The following STX8 variants were observed in gnomAD, a reference collection of about 807,000 sequenced individuals.
The protein encoded by STX8 is syntaxin 8.
STX8 carries 23 observed loss-of-function variants against 37.5 expected under a neutral mutation model. That is an observed-to-expected ratio of 0.61 (90% CI 0.44 to 0.87). The LOEUF is 0.87. Among genes scored for constraint, STX8 ranks in the 40% least tolerant of loss-of-function variants. The pLI is 0.00. For synonymous variants in STX8, 115 were observed against 99.1 expected (o/e 1.16, Z -0.95); for missense variants, 313 against 284.7 (o/e 1.10, Z -0.71).
intron 6 of STX8, among the ~76,000 whole-genome samples, chr17:9,434,574 G>A (rs966677038): frequency 6.6e-6 from 1 of 152,168 alleles, no homozygotes; most frequent in African/African-American, 2.4e-5. Flanking sequence ...TTTCAGAGGT[G>A]AAATCAACTG....
intron 6 of STX8, among the ~76,000 whole-genome samples, chr17:9,490,750 T>C (rs1906819498): frequency 1.3e-5 from 2 of 152,166 alleles, no homozygotes; most frequent in African/African-American, 4.8e-5. Context: ...CTTTTTCTCT[T>C]CCTACTTTGT....
chr17:9,436,027 T>C (rs1323510355), intron 6 of STX8, among the ~76,000 whole-genome samples: 1 of 152,106 alleles, frequency 6.6e-6, no homozygotes, highest in Non-Finnish European at 1.5e-5. Flanking sequence ...AAAAGGGATA[T>C]AATCCATCTA....
chr17:9,423,355 T>C (rs909041960), intron 6 of STX8, among the ~76,000 whole-genome samples: 2 of 152,188 alleles, frequency 1.3e-5, no homozygotes, highest in Non-Finnish European at 2.9e-5. Context: ...ACGGAGTCTC[T>C]CTCTCTGTCA....
chr17:9,522,668 CGCCACTGCACTCCA>C (rs1905400133), intron 4 of STX8, among the ~76,000 whole-genome samples: 1 of 150,976 alleles, frequency 6.6e-6, no homozygotes, highest in Admixed American at 6.6e-5. Context: ...GCCGAGATCG[CGCCACTGCACTCCA>C]GCCTGGGCGA....
At chr17:9,294,000 A>G (rs1338399592) in intron 7 of STX8, among the ~76,000 whole-genome samples, 1 of 151,856 alleles carries the variant, frequency 6.6e-6, no homozygotes, top group Non-Finnish European at 1.5e-5. Flanking sequence ...TTCCTGACCT[A>G]GTGATCTGCC....
chr17:9,370,758 A>G (rs1567801035), intron 7 of STX8, among the ~76,000 whole-genome samples: 1 of 152,200 alleles, frequency 6.6e-6, no homozygotes, highest in African/African-American at 2.4e-5. Context: ...AGACTCAGAC[A>G]AGGCTCTATT....
At chr17:9,275,359 G>A (rs147951659) in intron 7 of STX8, among the ~76,000 whole-genome samples, 231 of 152,260 alleles carry the variant, frequency 1.5e-3, no homozygotes, top group African/African-American at 5.5e-3. Context: ...TGGCTTCACT[G>A]ACGCAGGGAG....
At chr17:9,438,449 C>G (rs12948963) in intron 6 of STX8, among the ~76,000 whole-genome samples, 1 of 151,794 alleles carries the variant, frequency 6.6e-6, no homozygotes, top group African/African-American at 2.4e-5. Context: ...CAGTATCTGT[C>G]TTTTAACAAG....
At chr17:9,254,652 T>TC (rs1272973524) in intron 7 of STX8, among the ~76,000 whole-genome samples, 1 of 152,118 alleles carries the variant, frequency 6.6e-6, no homozygotes, top group African/African-American at 2.4e-5. Context: ...CTCCTGGGCC[T>TC]CCCAAAGTGC....
At chr17:9,546,533 C>T (rs1240204670) in intron 3 of STX8, among the ~76,000 whole-genome samples, 1 of 147,150 alleles carries the variant, frequency 6.8e-6, no homozygotes, top group South Asian at 2.2e-4. Context: ...GCGCCACTTC[C>T]CTTGGACTAA....
At chr17:9,397,017 C>T (rs905376058) in intron 6 of STX8, among the ~76,000 whole-genome samples, 3 of 152,142 alleles carry the variant, frequency 2.0e-5, no homozygotes, top group Non-Finnish European at 4.4e-5. Context: ...GCACATAAGC[C>T]CTGAATTCTA....
intron 6 of STX8, among the ~76,000 whole-genome samples, chr17:9,483,518 G>A (rs1407037798): frequency 6.6e-6 from 1 of 152,122 alleles, no homozygotes. Flanking sequence ...GGATATCTTT[G>A]GGGGTCATTA....
At chr17:9,452,038 T>C (rs1905058351) in intron 6 of STX8, among the ~76,000 whole-genome samples, 1 of 152,210 alleles carries the variant, frequency 6.6e-6, no homozygotes, top group South Asian at 2.1e-4. Context: ...TGGAGTCAAA[T>C]AATAATGTGT....
At chr17:9,564,179 AC>A (rs1907364133) in intron 2 of STX8, among the ~76,000 whole-genome samples, 1 of 152,184 alleles carries the variant, frequency 6.6e-6, no homozygotes, top group Non-Finnish European at 1.5e-5. Context: ...GAAAACTGGC[AC>A]AAGACAAGGA....
intron 7 of STX8, among the ~76,000 whole-genome samples, chr17:9,279,388 T>C (rs1907799809): frequency 6.6e-6 from 1 of 152,158 alleles, no homozygotes; most frequent in Non-Finnish European, 1.5e-5. Context: ...CAGCTGGCCA[T>C]CATCATTATT....
chr17:9,361,165 T>C (rs574225488), intron 7 of STX8, among the ~76,000 whole-genome samples: 1 of 152,264 alleles, frequency 6.6e-6, no homozygotes, highest in Admixed American at 6.5e-5. Flanking sequence ...ATTGGTAAGG[T>C]TCTGTTGGAG....
At chr17:9,318,518 G>C (rs922102224) in intron 7 of STX8, among the ~76,000 whole-genome samples, 1 of 152,104 alleles carries the variant, frequency 6.6e-6, no homozygotes, top group African/African-American at 2.4e-5. Flanking sequence ...ACCATGTTTT[G>C]ACATTTCAGA....
chr17:9,442,454 G>A (rs1205433361), intron 6 of STX8, among the ~76,000 whole-genome samples: 5 of 152,192 alleles, frequency 3.3e-5, no homozygotes, highest in African/African-American at 1.2e-4. Context: ...CTGGAGTGCA[G>A]TGTTGCAGTC....
chr17:9,457,805 CTT>C (rs991670156), intron 6 of STX8, among the ~76,000 whole-genome samples: 30 of 152,204 alleles, frequency 2.0e-4, no homozygotes, highest in African/African-American at 7.2e-4. Flanking sequence ...AGGAAGAAAA[CTT>C]TAGCCAGAGG....
Sources: gnomAD v4.1 joint callset for allele counts (sites outside exome capture counted in the v4.1 genomes callset) on GRCh38, gnomAD v4.1.1 for gene constraint, MANE v1.5 for transcripts, NCBI Gene and HGNC (gene_info 2026-07-23, HGNC 2026-07-21) for gene names.